The following SLC2A3 variants were observed in gnomAD, a reference collection of about 807,000 sequenced individuals.
The protein encoded by SLC2A3 is solute carrier family 2 member 3, also known as solute carrier family 2, facilitated glucose transporter member 3.
Under a neutral mutation model 46.4 loss-of-function variants are expected in SLC2A3, and 21 were observed. That is an observed-to-expected ratio of 0.45 (90% CI 0.32 to 0.65). The LOEUF (loss-of-function observed/expected upper bound fraction) is 0.65, where lower values mean the gene tolerates loss of function less well. SLC2A3 is among the 30% of genes least tolerant of loss of function. The pLI, the probability that SLC2A3 is intolerant of heterozygous loss-of-function variation, is 0.04. For missense variants in SLC2A3, 499 were observed against 623.3 expected, an observed-to-expected ratio of 0.80 and a Z score of 2.12; for synonymous variants, 213 against 239.4, an observed-to-expected ratio of 0.89 and a Z score of 1.02.
Position 7,919,342 on chromosome 12 carries a change from C to T in SLC2A3, c.*2071G>A, listed in dbSNP as rs761289777. On this transcript the variant is annotated 3_prime_UTR_variant, in exon 10 of 10. Transcript: ENST00000075120. ...GAGAAATGGGACCCTGCCTTACTGC[C>T]AACCTACTGTTTGAGGAGCCAGAAG... 4.6e-5 allele frequency: 7 copies of T among 152,172 alleles called. No individual in the cohort carries two copies. The highest frequency in any genetic ancestry group is 8.8e-5 in the Non-Finnish European group (6 of 68,018). The allele number at this position is 152,172 out of a possible 1,614,324, so 9.4% of individuals were successfully genotyped here. A position where few individuals can be genotyped will look rare whatever the true frequency, so the allele number is the denominator to read the frequency against.
Position 7,933,042 on chromosome 12 carries a change from C to A in SLC2A3, c.214G>T (p.Val72Phe), listed in dbSNP as rs750324429. The A allele has an allele frequency of 2.5e-6, 4 of 1,614,068 alleles. No homozygotes were observed. The highest frequency in any genetic ancestry group is 3.4e-6 in the Non-Finnish European group (4 of 1,180,012). ...LWSLSVAIFSVGGMIGSFSVG... is the reference protein window; with the variant it reads ...LWSLSVAIFSFGGMIGSFSVG... ...GAAAAGGAGCCGATCATACCCCCGA[C>A]GGAAAATATGGCCACAGACAAGGAC... The change falls in exon 3 of 10, where the codon GTC (valine) becomes TTC (phenylalanine). Residue 72 changes from valine (V) to phenylalanine (F), a missense_variant. By Grantham distance (50) the Val-to-Phe change is conservative. Transcript: ENST00000075120.
At chr12:7,927,525 C>T (rs1235404560) in intron 6 of SLC2A3, among the ~76,000 whole-genome samples, 1 of 151,646 alleles carries the variant, frequency 6.6e-6, no homozygotes, top group Non-Finnish European at 1.5e-5. Flanking sequence ...TACAATGCAA[C>T]CTCTTACCCA....
intron 9 of SLC2A3, among the ~76,000 whole-genome samples, chr12:7,921,942 C>G (rs1357908532): frequency 6.6e-6 from 1 of 152,094 alleles, no homozygotes; most frequent in East Asian, 1.9e-4. Flanking sequence ...CCCATAATCC[C>G]AGCACTTTGG....
chr12:7,927,644 T>A (rs1224356256), intron 6 of SLC2A3, among the ~76,000 whole-genome samples: 1 of 152,116 alleles, frequency 6.6e-6, no homozygotes, highest in Non-Finnish European at 1.5e-5. Flanking sequence ...AACTTTCAGG[T>A]CTCTTACACA....
In SLC2A3 at chr12:7,929,383, C is replaced by T. The variant is rs1347749616; in HGVS notation, c.861+301G>A. The T allele has an allele frequency of 1.9e-5, 7 of 361,254 alleles. 1 individual carries two copies. Among genetic ancestry groups the T allele is most frequent in the South Asian group, 1.5e-4 (3 of 20,262 alleles). 22.4% of individuals were successfully genotyped at this position (361,254 alleles called of 1,614,324 possible). ...CATGCCCTCTTTAAACTACCATGCT[C>T]GCTATACTAGTTGTAAAAACAGACT... On this transcript the variant is annotated intron_variant, in intron 6 of 9. Transcript: ENST00000075120.
In SLC2A3 at chr12:7,933,898, G is replaced by T; in HGVS notation, c.20C>A (p.Thr7Asn). ...TGTGATGGCAAATATCAGAGCTGGG[G>T]TGACCTGGAGGGAGGGAAGACAGAG... is the stretch of plus-strand genomic sequence containing the variant. MGTQKV[T>N]PALIFAITVA... Residue 7 changes from threonine to asparagine, a missense_variant, in exon 2 of 10, where the codon ACC becomes AAC. By Grantham distance (65) the Thr-to-Asn change is moderately conservative (BLOSUM62 0). Around this residue, in one of 5 missense-constraint regions of SLC2A3, gnomAD observed 248 missense variants for 284.0 expected, o/e 0.87. Coordinates refer to ENST00000075120, the MANE Select transcript of SLC2A3 (RefSeq NM_006931.3). 1 of 1,613,788 alleles carries T rather than the reference G, an allele frequency of 6.2e-7. No individual in the cohort carries two copies. The highest frequency in any genetic ancestry group is 8.5e-7 in the Non-Finnish European group (1 of 1,179,772).
chr12:7,935,857 G>A (rs1357647301), intron 1 of SLC2A3, among the ~76,000 whole-genome samples, 163 bp downstream of exon 1: 1 of 152,154 alleles, frequency 6.6e-6, no homozygotes, highest in Non-Finnish European at 1.5e-5. Context: ...CATTCAAAGA[G>A]AACTGATGAA....
At chr12:7,933,627 CTG>C (rs1946182263) in intron 2 of SLC2A3, 181 bp downstream of exon 2, 1 of 604,396 alleles carries the variant, frequency 1.7e-6, no homozygotes, top group African/African-American at 1.9e-5. Context: ...CCCTCACTAA[CTG>C]TGTTGCTCAG....
intron 9 of SLC2A3, 92 bp downstream of exon 9, chr12:7,922,729 C>G (rs1389858789): frequency 6.5e-7 from 1 of 1,534,662 alleles, no homozygotes; most frequent in African/African-American, 1.4e-5. Context: ...CAGGCATGAG[C>G]CACCATGCCA....
At chr12:7,932,454 A>C (rs1396254622) in intron 3 of SLC2A3, among the ~76,000 whole-genome samples, 2 of 152,148 alleles carry the variant, frequency 1.3e-5, no homozygotes, top group African/African-American at 4.8e-5. Flanking sequence ...CTAGGATTAC[A>C]GGGGTGAGCC....
chr12:7,929,674 T>G lies in SLC2A3; in HGVS notation c.861+10A>C. 1 of 1,613,168 alleles carries G rather than the reference T, an allele frequency of 6.2e-7. No homozygotes were observed. Among genetic ancestry groups the G allele is most frequent in the Non-Finnish European group, 8.5e-7 (1 of 1,179,454 alleles). ...TTAAGACACGTTTGACCCTAAAGTA[T>G]CACACTCACAGCATTGATCCCAGAG... On this transcript the variant is annotated intron_variant, in intron 6 of 9. Transcript: ENST00000075120.
chr12:7,930,564 G>C lies in SLC2A3; in HGVS notation c.589C>G (p.Leu197Val). The C allele has an allele frequency of 6.2e-7, 1 of 1,613,900 alleles. No individual in the cohort carries two copies. Among genetic ancestry groups the C allele is most frequent in the Non-Finnish European group, 8.5e-7 (1 of 1,179,916 alleles). The change falls in exon 5 of 10, where the codon CTA (leucine) becomes GTA (valine). Residue 197 changes from leucine (L) to valine (V), a missense_variant. Physicochemically the swap from Leu to Val is conservative, Grantham distance 32. This residue lies in a region of SLC2A3 where 248 missense variants were observed against 284.0 expected (regional missense o/e 0.87). Coordinates refer to ENST00000075120, the MANE Select transcript of SLC2A3 (RefSeq NM_006931.3). ...CAAAATGGAAGGGCTGCACTTTGTA[G>C]GATAGCAGGAAGGATGGTAAAACCC... ...LLGFTILPAI[L>V]QSAALPFCPE...
Position 7,923,761 on chromosome 12 carries a change from G to A in SLC2A3, c.1068+649C>T, listed in dbSNP as rs139492333. 3.3e-4 allele frequency among the ~76,000 whole-genome samples: 47 copies of A among 141,310 alleles called. 1 individual carries two copies. The highest frequency in any genetic ancestry group is 1.2e-3 in the African/African-American group (46 of 38,218). The allele number at this position is 141,310 out of a possible 152,430, so 92.7% of individuals were successfully genotyped here. A position where few individuals can be genotyped will look rare whatever the true frequency, so the allele number is the denominator to read the frequency against. On this transcript the variant is annotated intron_variant, in intron 8 of 9. Coordinates refer to ENST00000075120, the MANE Select transcript of SLC2A3 (RefSeq NM_006931.3). ...AGGCATGAACCACTGCGCCCAGCCA[G>A]GATTGGATTTTTTTTTTTTTTTTTG...
intron 6 of SLC2A3, among the ~76,000 whole-genome samples, chr12:7,926,871 AATT>A (rs1263014093): frequency 2.0e-5 from 3 of 152,140 alleles, no homozygotes; most frequent in Admixed American, 1.3e-4. Flanking sequence ...ATATTAAATA[AATT>A]ATTATGTTGT....
chr12:7,927,140 T>C (rs1368053892), intron 6 of SLC2A3, among the ~76,000 whole-genome samples: 2 of 152,132 alleles, frequency 1.3e-5, no homozygotes, highest in Admixed American at 6.6e-5. Context: ...ATGTAAACTA[T>C]GTATATTCAT....
At chr12:7,935,941 AAGG>A (rs1946208637) in intron 1 of SLC2A3, 76 bp downstream of exon 1, 1 of 1,196,972 alleles carries the variant, frequency 8.4e-7, no homozygotes, top group African/African-American at 1.5e-5. Flanking sequence ...AAAATAGAAC[AAGG>A]AGATTACCAT....
At position 7,923,176 on chromosome 12, in the gene SLC2A3, T is replaced by TTTTATA. The variant is rs1946056834; in HGVS notation, c.1069-153_1069-152insTATAAA. The TTTTATA allele has an allele frequency of 9.9e-6, 8 of 806,142 alleles. No homozygotes were observed. In the South Asian group the frequency reaches 1.5e-4, roughly 16 times the overall value. The allele number at this position is 806,142 out of a possible 1,614,324, so 49.9% of individuals were successfully genotyped here. A position where few individuals can be genotyped will look rare whatever the true frequency, so the allele number is the denominator to read the frequency against. On this transcript the variant is annotated intron_variant, in intron 8 of 9. Transcript: ENST00000075120. ...TCAAAAGGCTTGGATTTATTTTTAT[T>TTTTATA]TTTATTTTTTGAGACAGGGTCTTAC...
chr12:7,924,308 T>C (rs942808061), intron 8 of SLC2A3, 102 bp downstream of exon 8: 36 of 1,539,700 alleles, frequency 2.3e-5, no homozygotes, highest in African/African-American at 4.2e-5. Flanking sequence ...TCTGACTTTA[T>C]TGACAAACTG....
chr12:7,934,737 C>A (rs1189597186), intron 1 of SLC2A3, among the ~76,000 whole-genome samples: 1 of 152,010 alleles, frequency 6.6e-6, no homozygotes, highest in Non-Finnish European at 1.5e-5. Context: ...TCTTAAACTC[C>A]TTTCCTTTCA....
Sources: gnomAD v4.1 joint callset for allele counts (sites outside exome capture counted in the v4.1 genomes callset) on GRCh38, gnomAD v4.1.1 for gene constraint, gnomAD v4.1.1 regional missense constraint, MANE v1.5 for transcripts, NCBI Gene and HGNC (gene_info 2026-07-23, HGNC 2026-07-21) for gene names.